LYPLAL1: variants seen among roughly 807,000 people sequenced by gnomAD.
LYPLAL1 encodes the protein lysophospholipase like 1.
In LYPLAL1, 23 loss-of-function variants were observed where a neutral mutation model predicts 19.7. The ratio of observed to expected loss-of-function variants is 1.17; its 90% CI spans 0.84 to 1.65. The LOEUF is 1.65. Ranked by LOEUF, LYPLAL1 falls within the 40% of genes most tolerant of loss-of-function variation. The probability of loss-of-function intolerance (pLI) is 0.00; values close to 1 mark genes in which losing one functional copy is unlikely to be tolerated. For missense variants in LYPLAL1, 355 were observed against 279.4 expected, an observed-to-expected ratio of 1.27 and a Z score of -1.93; for synonymous variants, 119 against 96.3, an observed-to-expected ratio of 1.24 and a Z score of -1.38.
At chr1:219,406,195 A>G in the LYPLAL1 span, among the ~76,000 whole-genome samples, 9 of 152,346 alleles carry the variant, frequency 5.9e-5, no homozygotes, top group Non-Finnish European at 1.3e-4. Context: ...TTTTCTCTGC[A>G]TTGGGGCCAA....
At chr1:219,440,817 A>G in the LYPLAL1 span, among the ~76,000 whole-genome samples, 1 of 152,232 alleles carries the variant, frequency 6.6e-6, no homozygotes, top group East Asian at 1.9e-4. Flanking sequence ...TAGAATTATA[A>G]TATCACCTTT....
At chr1:219,376,308 A>G in the LYPLAL1 span, among the ~76,000 whole-genome samples, 312 of 152,348 alleles carry the variant, frequency 2.0e-3, no homozygotes, top group African/African-American at 7.1e-3. Context: ...TTGAACCTTT[A>G]TCTTACATCA....
chr1:219,193,363 C>A, intron 3 of LYPLAL1, 112 bp downstream of exon 3: 3 of 688,558 alleles, frequency 4.4e-6, no homozygotes, highest in Non-Finnish European at 4.4e-6. Context: ...TCGATGCATT[C>A]ATAGTTTCAG....
chr1:219,357,230 A>G, the LYPLAL1 span, among the ~76,000 whole-genome samples: 127 of 152,120 alleles, frequency 8.3e-4, no homozygotes, highest in African/African-American at 2.7e-3. Context: ...GTGTTCTCAG[A>G]AAAAAAAGCA....
the LYPLAL1 span, among the ~76,000 whole-genome samples, chr1:219,294,115 G>A: frequency 2.0e-5 from 3 of 152,148 alleles, no homozygotes; most frequent in South Asian, 2.1e-4. Flanking sequence ...AACATTTCAC[G>A]GAAGAGGAGA....
chr1:219,369,785 A>G, the LYPLAL1 span, among the ~76,000 whole-genome samples: 1 of 152,238 alleles, frequency 6.6e-6, no homozygotes, highest in Non-Finnish European at 1.5e-5. Flanking sequence ...ACAAGGATAA[A>G]TGTATCCTCA....
chr1:219,341,164 C>T, the LYPLAL1 span, among the ~76,000 whole-genome samples: 1 of 152,124 alleles, frequency 6.6e-6, no homozygotes. Flanking sequence ...GTATGCAAGA[C>T]ACAGCCTGTT....
At chr1:219,183,108 G>T (rs1206951898) in intron 2 of LYPLAL1, among the ~76,000 whole-genome samples, 1 of 151,994 alleles carries the variant, frequency 6.6e-6, no homozygotes, top group Non-Finnish European at 1.5e-5. Context: ...ACTTTCCATT[G>T]TCTTTTTAAT....
the LYPLAL1 span, among the ~76,000 whole-genome samples, chr1:219,231,551 T>C: frequency 6.6e-6 from 1 of 152,212 alleles, no homozygotes. Flanking sequence ...TTTCCATGTA[T>C]TGAGGTTTTT....
downstream of LYPLAL1, among the ~76,000 whole-genome samples, chr1:219,213,540 A>G (rs1257669981): frequency 6.6e-6 from 1 of 152,006 alleles, no homozygotes; most frequent in Non-Finnish European, 1.5e-5. Context: ...TGAATCTTCT[A>G]ATCCACAAAC....
chr1:219,357,267 AC>A, the LYPLAL1 span, among the ~76,000 whole-genome samples: 4 of 152,228 alleles, frequency 2.6e-5, no homozygotes. Context: ...ACTCAATTCC[AC>A]AAGTTCTTTG....
chr1:219,341,144 C>T, the LYPLAL1 span, among the ~76,000 whole-genome samples: 5,150 of 152,122 alleles, frequency 0.034, 284 homozygotes, highest in African/African-American at 0.12. Context: ...ACTTATAATG[C>T]ATATGGAGTG....
the LYPLAL1 span, among the ~76,000 whole-genome samples, chr1:219,221,525 C>T: frequency 1.3e-5 from 2 of 152,142 alleles, no homozygotes; most frequent in Non-Finnish European, 2.9e-5. Flanking sequence ...CAAAGAGTTA[C>T]AGTTCCCCTG....
chr1:219,259,899 TAATG>T, the LYPLAL1 span, among the ~76,000 whole-genome samples: 1 of 151,690 alleles, frequency 6.6e-6, no homozygotes, highest in East Asian at 1.9e-4. Flanking sequence ...ATTTGGAAAT[TAATG>T]AATATGACTA....
chr1:219,208,560 T>TA (rs1315536943), intron 3 of LYPLAL1, among the ~76,000 whole-genome samples: 1 of 152,072 alleles, frequency 6.6e-6, no homozygotes, highest in Non-Finnish European at 1.5e-5. Context: ...GCACTATACT[T>TA]ACCACTGAGC....
chr1:219,311,397 T>G, the LYPLAL1 span, among the ~76,000 whole-genome samples: 3 of 152,226 alleles, frequency 2.0e-5, no homozygotes, highest in African/African-American at 7.2e-5. Context: ...GTCAGCAGTA[T>G]GAACATATTT....
chr1:219,210,701 A>C, intron 4 of LYPLAL1, 54 bp downstream of exon 4: 2 of 1,501,234 alleles, frequency 1.3e-6, no homozygotes, highest in Non-Finnish European at 1.8e-6. Flanking sequence ...ATACATGTTA[A>C]AACTAAAGCA....
the LYPLAL1 span, among the ~76,000 whole-genome samples, chr1:219,357,357 G>A: frequency 6.6e-6 from 1 of 151,842 alleles, no homozygotes; most frequent in Non-Finnish European, 1.5e-5. Context: ...AATAATACTA[G>A]AAAGACATGA....
the LYPLAL1 span, among the ~76,000 whole-genome samples, chr1:219,275,491 A>T: frequency 1.2e-5 from 1 of 86,188 alleles, no homozygotes; most frequent in South Asian, 2.9e-4. Flanking sequence ...ATTAACTCTA[A>T]TCTATATTCT....
Sources: gnomAD v4.1 joint callset for allele counts (sites outside exome capture counted in the v4.1 genomes callset) on GRCh38, gnomAD v4.1.1 for gene constraint, MANE v1.5 for transcripts, NCBI Gene and HGNC (gene_info 2026-07-23, HGNC 2026-07-21) for gene names.